ARHGEF26: variants seen among roughly 807,000 people sequenced by gnomAD.
ARHGEF26 encodes Rho guanine nucleotide exchange factor (GEF) 26.
Under a neutral mutation model 89.4 loss-of-function variants are expected in ARHGEF26, and 59 were observed. The ratio of observed to expected loss-of-function variants is 0.66; its 90% CI spans 0.54 to 0.82. ARHGEF26 has a LOEUF of 0.82. Among genes scored for constraint, ARHGEF26 ranks in the 40% least tolerant of loss-of-function variants. The pLI is 0.00. For missense variants in ARHGEF26, 1,234 were observed against 1,085.6 expected, an observed-to-expected ratio of 1.14 and a Z score of -1.92; for synonymous variants, 500 against 428.4, an observed-to-expected ratio of 1.17 and a Z score of -2.06.
intron 4 of ARHGEF26, among the ~76,000 whole-genome samples, chr3:154,144,684 G>C (rs1297845230): frequency 1.3e-5 from 2 of 152,176 alleles, no homozygotes; most frequent in African/African-American, 4.8e-5. Flanking sequence ...GGGCATAGAG[G>C]AGCAAGTGTC....
At chr3:154,141,675 C>T (rs554357297) in intron 4 of ARHGEF26, among the ~76,000 whole-genome samples, 1 of 152,220 alleles carries the variant, frequency 6.6e-6, no homozygotes, top group Non-Finnish European at 1.5e-5. Flanking sequence ...ACCTTATAAA[C>T]CAGTATGTGT....
In ARHGEF26 at chr3:154,240,401, T is replaced by G. The variant is rs751497705; in HGVS notation, c.2122T>G (p.Leu708Val). ...AAGTTACAACGTCAATGATTATTCC[T>G]TAAGAGATCAGCTATTGGTGGAATC... ...EESYNVNDYS[L>V]RDQLLVESCD... The change falls in exon 12 of 15, where the codon TTA (leucine) becomes GTA (valine). Residue 708 changes from leucine (L) to valine (V), a missense_variant. By Grantham distance (32) the Leu-to-Val change is conservative. Transcript: ENST00000465093. 6.2e-7 allele frequency: 1 copy of G among 1,613,408 alleles called. No individual in the cohort carries two copies. Among genetic ancestry groups the G allele is most frequent in the Non-Finnish European group, 8.5e-7 (1 of 1,179,614 alleles).
intron 12 of ARHGEF26, 137 bp from the exon 13 acceptor site, chr3:154,252,979 C>T (rs1718249984): frequency 1.2e-6 from 1 of 861,474 alleles, no homozygotes; most frequent in African/African-American, 1.7e-5. Flanking sequence ...TTTTAAACTA[C>T]TCTCACCCTG....
chr3:154,256,373 C>A lies in ARHGEF26; in HGVS notation c.*900C>A. ...AAGTAGCTGGGATTGTAAGAGTATG[C>A]CACCACGCCCAGCTACTTTTTGTAT... On this transcript the variant is annotated 3_prime_UTR_variant, in exon 15 of 15. Transcript: ENST00000465093. 2.6e-6 allele frequency: 2 copies of A among 755,692 alleles called. No individual in the cohort carries two copies. Among genetic ancestry groups the A allele is most frequent in the South Asian group, 6.1e-5 (1 of 16,444 alleles). 46.8% of individuals were successfully genotyped at this position (755,692 alleles called of 1,614,324 possible).
chr3:154,144,314 G>A (rs925510808), intron 4 of ARHGEF26, among the ~76,000 whole-genome samples: 7 of 152,154 alleles, frequency 4.6e-5, no homozygotes, highest in African/African-American at 1.7e-4. Flanking sequence ...CTGTGTCTCC[G>A]TTCTTTATTT....
At chr3:154,211,816 A>G (rs1391068360) in intron 9 of ARHGEF26, among the ~76,000 whole-genome samples, 1 of 152,154 alleles carries the variant, frequency 6.6e-6, no homozygotes, top group Non-Finnish European at 1.5e-5. Flanking sequence ...AACAATATAA[A>G]TAGTATAATG....
intron 7 of ARHGEF26, among the ~76,000 whole-genome samples, chr3:154,190,249 C>T (rs530158897): frequency 6.6e-6 from 1 of 152,214 alleles, no homozygotes; most frequent in South Asian, 2.1e-4. Flanking sequence ...CAGTGGCTCA[C>T]GCCTGTAATC....
chr3:154,207,325 A>C (rs1037550959), intron 9 of ARHGEF26, among the ~76,000 whole-genome samples: 1 of 152,220 alleles, frequency 6.6e-6, no homozygotes, highest in East Asian at 1.9e-4. Flanking sequence ...GACAGCCTAC[A>C]GAATGGGAGA....
At chr3:154,182,119 C>G (rs1713224502) in intron 6 of ARHGEF26, among the ~76,000 whole-genome samples, 1 of 151,574 alleles carries the variant, frequency 6.6e-6, no homozygotes. Flanking sequence ...GTGAACACAA[C>G]AGACATGGCC....
chr3:154,125,292 A>G (rs1718263144), intron 3 of ARHGEF26, among the ~76,000 whole-genome samples: 2 of 152,236 alleles, frequency 1.3e-5, no homozygotes, highest in Non-Finnish European at 2.9e-5. Flanking sequence ...AATTCCCTAT[A>G]TAATTTTTAT....
chr3:154,205,280 G>GT (rs1714947855), intron 9 of ARHGEF26, among the ~76,000 whole-genome samples: 1 of 151,590 alleles, frequency 6.6e-6, no homozygotes, highest in South Asian at 2.1e-4. Context: ...TCTTCTTGCA[G>GT]TTTTTTCTGG....
rs370706426 is a variant in ARHGEF26 at position 154,255,505 on chromosome 3, T to A, written c.*32T>A. On this transcript the variant is annotated 3_prime_UTR_variant, in exon 15 of 15. Coordinates refer to ENST00000465093, the MANE Select transcript of ARHGEF26 (RefSeq NM_015595.4). ...AGATGGTCTTTTGTTACTGCAAGAT[T>A]TGCACGACACTTACCGGGCTGGTTG... The A allele has an allele frequency of 1.3e-4, 211 of 1,601,682 alleles. No individual in the cohort carries two copies. Among genetic ancestry groups the A allele is most frequent in the Non-Finnish European group, 1.8e-4 (208 of 1,174,470 alleles).
At chr3:154,179,723 T>C (rs1400915412) in intron 6 of ARHGEF26, among the ~76,000 whole-genome samples, 1 of 152,124 alleles carries the variant, frequency 6.6e-6, no homozygotes, top group African/African-American at 2.4e-5. Context: ...CTATATATAG[T>C]AGGGCCCATG....
intron 9 of ARHGEF26, among the ~76,000 whole-genome samples, chr3:154,216,502 A>ATTTTTTTTTTTTTTTT (rs1293834056): frequency 2.0e-5 from 1 of 49,118 alleles, no homozygotes. Flanking sequence ...ATTTTTTTTT[A>ATTTTTTTTTTTTTTTT]TTTTTTATTT....
At chr3:154,201,556 C>G (rs2108210608) in intron 9 of ARHGEF26, among the ~76,000 whole-genome samples, 1 of 152,238 alleles carries the variant, frequency 6.6e-6, no homozygotes, top group African/African-American at 2.4e-5. Flanking sequence ...ATTTCTAGTT[C>G]TAGATCCCTG....
intron 6 of ARHGEF26, among the ~76,000 whole-genome samples, chr3:154,184,412 C>G (rs1713390853): frequency 6.6e-6 from 1 of 152,318 alleles, no homozygotes; most frequent in South Asian, 2.1e-4. Context: ...TCCAGTTCCT[C>G]TGAATTTTCA....
intron 6 of ARHGEF26, among the ~76,000 whole-genome samples, chr3:154,171,516 C>A (rs562075374): frequency 1.3e-5 from 2 of 152,330 alleles, no homozygotes; most frequent in African/African-American, 2.4e-5. Flanking sequence ...CTGTGTTCCA[C>A]CTGTTCATCC....
chr3:154,222,360 G>A lies in ARHGEF26; in HGVS notation c.1936-3496G>A, dbSNP rs773788121. Among the ~76,000 whole-genome samples the A allele has an allele frequency of 3.3e-5, 5 of 152,300 alleles. No individual in the cohort carries two copies. In the South Asian group the frequency reaches 1.0e-3, roughly 32 times the overall value. On this transcript the variant is annotated intron_variant, in intron 10 of 14. Transcript: ENST00000465093. ...ATGAGAGGAGATGGAAAGCATCCCT[G>A]GATTGGCACTTTGGAAGCTAGTGTA...
At chr3:154,237,573 C>CACACACACACACACA (rs1717196887) in intron 11 of ARHGEF26, among the ~76,000 whole-genome samples, 1 of 151,062 alleles carries the variant, frequency 6.6e-6, no homozygotes, top group Non-Finnish European at 1.5e-5. Flanking sequence ...CACACACACA[C>CACACACACACACACA]TTAACTAGTT....
Sources: gnomAD v4.1 joint callset for allele counts (sites outside exome capture counted in the v4.1 genomes callset) on GRCh38, gnomAD v4.1.1 for gene constraint, MANE v1.5 for transcripts, NCBI Gene and HGNC (gene_info 2026-07-23, HGNC 2026-07-21) for gene names.